The following PTCHD4 variants were observed in gnomAD, a reference collection of about 807,000 sequenced individuals.
The protein encoded by PTCHD4 is patched domain-containing protein 4.
Under a neutral mutation model 58.1 loss-of-function variants are expected in PTCHD4, and 33 were observed. That is an observed-to-expected ratio of 0.57 (90% CI 0.43 to 0.76). The LOEUF is 0.76. PTCHD4 is among the 30% of genes least tolerant of loss of function. PTCHD4 has a pLI of 0.00. For synonymous variants in PTCHD4, 478 were observed against 409.6 expected (o/e 1.17, Z -2.02); for missense variants, 1,058 against 1,027.1 (o/e 1.03, Z -0.41).
At position 47,870,883 on chromosome 6, in the gene PTCHD4, C is replaced by T. The variant is rs1346969769; in HGVS notation, c.*7420G>A. On this transcript the variant is annotated 3_prime_UTR_variant, in exon 5 of 5. Coordinates refer to ENST00000339488, the MANE Select transcript of PTCHD4 (RefSeq NM_001384253.1). ...ACTATTTTGGGAGTGATAAATGAGG[C>T]TGTTTTCATGAATGGGATGAACCTA... is the stretch of plus-strand genomic sequence containing the variant. Among the ~76,000 whole-genome samples the T allele has an allele frequency of 6.6e-6, 1 of 151,432 alleles. No individual in the cohort carries two copies. Among genetic ancestry groups the T allele is most frequent in the African/African-American group, 2.4e-5 (1 of 41,314 alleles).
At chr6:48,076,837 T>C (rs1765071628) in intron 1 of PTCHD4, among the ~76,000 whole-genome samples, 1 of 152,226 alleles carries the variant, frequency 6.6e-6, no homozygotes, top group Admixed American at 6.5e-5. Flanking sequence ...CAAGATTTGC[T>C]ACAGCTCTGC....
chr6:47,878,792 TCC>T lies in PTCHD4; in HGVS notation c.2041_2042del (p.Gly681LysfsTer7). ...TGACGCTAAGAATTAGCCAGAAGTT[TCC>T]CAGAGGGTGGATCACTAGGAAAAAA... is the stretch of plus-strand genomic sequence containing the variant. ...LTFFLVIHPL[G>X]NFWLILSVTS... is the part of the protein sequence containing the mutation. On this transcript the variant is annotated frameshift_variant, in exon 5 of 5. Coordinates refer to ENST00000339488, the MANE Select transcript of PTCHD4 (RefSeq NM_001384253.1). LOFTEE classifies it high-confidence loss of function. The T allele has an allele frequency of 6.2e-7, 1 of 1,613,542 alleles. No homozygotes were observed. The highest frequency in any genetic ancestry group is 8.5e-7 in the Non-Finnish European group (1 of 1,179,756).
At chr6:48,104,487 G>C (rs1317091997) in intron 1 of PTCHD4, among the ~76,000 whole-genome samples, 5 of 152,106 alleles carry the variant, frequency 3.3e-5, no homozygotes, top group African/African-American at 7.2e-5. Context: ...GTACCAGCCA[G>C]TGCAAAAACA....
chr6:48,020,130 C>T (rs980377820), intron 3 of PTCHD4, among the ~76,000 whole-genome samples: 4 of 152,116 alleles, frequency 2.6e-5, no homozygotes, highest in Admixed American at 6.5e-5. Context: ...CTCTCTTTCG[C>T]TGCAATGTGA....
intron 1 of PTCHD4, among the ~76,000 whole-genome samples, chr6:48,074,391 A>G (rs1049894912): frequency 1.3e-5 from 2 of 152,214 alleles, no homozygotes; most frequent in Non-Finnish European, 2.9e-5. Flanking sequence ...CTCTGTGCTC[A>G]TGCTTGCTCC....
At chr6:48,101,481 C>G (rs111956738) in intron 1 of PTCHD4, among the ~76,000 whole-genome samples, 199 of 152,166 alleles carry the variant, frequency 1.3e-3, no homozygotes, top group African/African-American at 4.2e-3. Flanking sequence ...TCAGGTCAAG[C>G]CAATATAACT....
At chr6:47,911,855 A>G (rs1339534040) in intron 4 of PTCHD4, among the ~76,000 whole-genome samples, 1 of 152,084 alleles carries the variant, frequency 6.6e-6, no homozygotes, top group African/African-American at 2.4e-5. Flanking sequence ...AGATCTAGGG[A>G]ATAAATGCTG....
intron 3 of PTCHD4, among the ~76,000 whole-genome samples, chr6:48,063,112 C>T (rs556110384): frequency 6.6e-6 from 1 of 152,252 alleles, no homozygotes; most frequent in East Asian, 1.9e-4. Flanking sequence ...CAGGAATACT[C>T]AAGCTTCTTT....
chr6:48,087,224 C>T (rs1048675724), intron 1 of PTCHD4, among the ~76,000 whole-genome samples: 9 of 152,282 alleles, frequency 5.9e-5, no homozygotes, highest in African/African-American at 2.2e-4. Flanking sequence ...TTGTGACCAT[C>T]TTTCAGTTTT....
Position 47,869,941 on chromosome 6 carries a change from T to C in PTCHD4, c.*8362A>G, listed in dbSNP as rs559068569. The stretch of plus-strand genomic sequence containing the variant: ...TCTGTGGGGCATTTAATACTAACAA[T>C]AAAGAATGAAGAAAAATCTGGCGAA... On this transcript the variant is annotated 3_prime_UTR_variant, in exon 5 of 5. Transcript: ENST00000339488. Among the ~76,000 whole-genome samples, 5 of 151,692 alleles carry C rather than the reference T, an allele frequency of 3.3e-5. No homozygotes were observed. Among genetic ancestry groups the C allele is most frequent in the Non-Finnish European group, 7.4e-5 (5 of 67,666 alleles).
rs1326917664 is a variant in PTCHD4 at position 47,869,409 on chromosome 6, A to G, written c.*8894T>C. Among the ~76,000 whole-genome samples the G allele has an allele frequency of 1.3e-5, 2 of 151,746 alleles. No individual in the cohort carries two copies. Among genetic ancestry groups the G allele is most frequent in the African/African-American group, 4.8e-5 (2 of 41,374 alleles). On this transcript the variant is annotated 3_prime_UTR_variant, in exon 5 of 5. Coordinates refer to ENST00000339488, the MANE Select transcript of PTCHD4 (RefSeq NM_001384253.1). ...TGGTTCAAGTATTTTTATAGTTAATATTACTACAATAATGCAATGTAATGC... is the reference window on the plus strand; with the variant it reads ...TGGTTCAAGTATTTTTATAGTTAATGTTACTACAATAATGCAATGTAATGC...
At chr6:47,999,595 T>C (rs1371009736) in intron 4 of PTCHD4, among the ~76,000 whole-genome samples, 1 of 152,156 alleles carries the variant, frequency 6.6e-6, no homozygotes, top group Non-Finnish European at 1.5e-5. Context: ...TCCTAAACAC[T>C]GTGCTGGTTC....
rs1928287 is a variant in PTCHD4 at position 47,859,962 on chromosome 6, G to A, written c.*18341C>T. Among the ~76,000 whole-genome samples the A allele has an allele frequency of 0.66, 99,720 of 151,776 alleles. 33,217 individuals are homozygous for A. Among genetic ancestry groups the A allele is most frequent in the East Asian group, 0.78 (3,993 of 5,102 alleles). On this transcript the variant is annotated 3_prime_UTR_variant, in exon 5 of 5. Coordinates refer to ENST00000339488, the MANE Select transcript of PTCHD4 (RefSeq NM_001384253.1). The stretch of plus-strand genomic sequence containing the variant: ...AGAAGTGGTCAGAGCAGGAGACAGG[G>A]GAACAGACTGGGTGGGGCTTCCCCT...
chr6:47,970,972 A>C (rs1048772025), intron 4 of PTCHD4, among the ~76,000 whole-genome samples: 7 of 152,208 alleles, frequency 4.6e-5, no homozygotes, highest in African/African-American at 7.2e-5. Flanking sequence ...CTGCTCTAGA[A>C]AAACTGATTG....
chr6:47,993,913 G>GC (rs1768374510), intron 4 of PTCHD4, among the ~76,000 whole-genome samples: 1 of 152,156 alleles, frequency 6.6e-6, no homozygotes. Flanking sequence ...AAAGTACATT[G>GC]AGGTACTCAG....
intron 1 of PTCHD4, among the ~76,000 whole-genome samples, chr6:48,077,685 TA>T (rs1765085557): frequency 6.6e-6 from 1 of 152,214 alleles, no homozygotes; most frequent in Non-Finnish European, 1.5e-5. Flanking sequence ...CATTCTTGAA[TA>T]CTTAGAGGCC....
intron 4 of PTCHD4, among the ~76,000 whole-genome samples, chr6:48,004,949 T>A (rs977271279): frequency 1.3e-5 from 2 of 152,184 alleles, no homozygotes; most frequent in African/African-American, 2.4e-5. Context: ...AATTTTGGAA[T>A]TCTTTCTGAA....
intron 1 of PTCHD4, among the ~76,000 whole-genome samples, chr6:48,087,814 T>G (rs552528872): frequency 6.6e-6 from 1 of 152,328 alleles, no homozygotes; most frequent in East Asian, 1.9e-4. Context: ...GCTCTCAGTT[T>G]TGAGTTAGGC....
chr6:48,045,950 T>C (rs1200191254), intron 3 of PTCHD4, among the ~76,000 whole-genome samples: 1 of 151,768 alleles, frequency 6.6e-6, no homozygotes, highest in Admixed American at 6.6e-5. Context: ...TTAAAATCCA[T>C]ATCAAGAATA....
Sources: gnomAD v4.1 joint callset for allele counts (sites outside exome capture counted in the v4.1 genomes callset) on GRCh38, gnomAD v4.1.1 for gene constraint, MANE v1.5 for transcripts, NCBI Gene and HGNC (gene_info 2026-07-23, HGNC 2026-07-21) for gene names.